The following RTN4 variants were observed in gnomAD, a reference collection of about 807,000 sequenced individuals.
RTN4 encodes the protein reticulon-4.
A neutral mutation model predicts 90.4 loss-of-function variants in RTN4; 32 were observed. The ratio of observed to expected loss-of-function variants is 0.35; its 90% CI spans 0.27 to 0.48. The LOEUF (loss-of-function observed/expected upper bound fraction) is 0.48. RTN4 is among the 20% of genes least tolerant of loss of function. The probability of loss-of-function intolerance (pLI) is 0.99; values close to 1 mark genes in which losing one functional copy is unlikely to be tolerated. For missense variants in RTN4, 1,706 were observed against 1,430.2 expected (o/e 1.19, Z -3.11); for synonymous variants, 629 against 552.5 (o/e 1.14, Z -1.94).
chr2:54,986,199 GT>G (rs1553433600), intron 4 of RTN4, among the ~76,000 whole-genome samples: 2 of 151,758 alleles, frequency 1.3e-5, no homozygotes, highest in Non-Finnish European at 2.9e-5. Flanking sequence ...ATTTTCTTTT[GT>G]TTTTTTTCTC....
chr2:54,977,486 A>G (rs1677734670), intron 5 of RTN4, among the ~76,000 whole-genome samples: 1 of 152,068 alleles, frequency 6.6e-6, no homozygotes, highest in Non-Finnish European at 1.5e-5. Context: ...ATTACAGAAA[A>G]GTAAGAACCT....
At chr2:55,019,284 T>A (rs1288287049) in intron 3 of RTN4, among the ~76,000 whole-genome samples, 2 of 152,174 alleles carry the variant, frequency 1.3e-5, no homozygotes, top group Non-Finnish European at 2.9e-5. Flanking sequence ...AAATCATTTT[T>A]CAACTCTCAT....
chr2:54,985,778 T>C (rs536693999), intron 4 of RTN4, among the ~76,000 whole-genome samples: 2 of 152,324 alleles, frequency 1.3e-5, no homozygotes, highest in East Asian at 3.9e-4. Context: ...TACCCATTAA[T>C]ATCAACTGGA....
intron 6 of RTN4, 151 bp downstream of exon 6, chr2:54,974,544 G>C: frequency 3.1e-6 from 2 of 646,364 alleles, no homozygotes; most frequent in Non-Finnish European, 2.7e-6. Context: ...GCCTCCCAAA[G>C]TGCTGGGATT....
intron 2 of RTN4, among the ~76,000 whole-genome samples, chr2:55,065,114 G>A (rs533996511): frequency 6.6e-6 from 1 of 152,172 alleles, no homozygotes; most frequent in South Asian, 2.1e-4. Flanking sequence ...AAAGCCATCG[G>A]TTCTACTCTC....
intron 3 of RTN4, among the ~76,000 whole-genome samples, chr2:54,988,325 T>C (rs1323026612): frequency 6.6e-6 from 1 of 152,052 alleles, no homozygotes; most frequent in Non-Finnish European, 1.5e-5. Flanking sequence ...TCCAAAAAAA[T>C]CATCTTGGGG....
intron 1 of RTN4, among the ~76,000 whole-genome samples, chr2:55,084,062 A>G (rs1668790254): frequency 1.3e-5 from 2 of 152,178 alleles, no homozygotes; most frequent in African/African-American, 4.8e-5. Context: ...TGGAACTTTC[A>G]GCCCTACTCT....
At chr2:55,119,133 A>G in the RTN4 span, among the ~76,000 whole-genome samples, 2 of 152,184 alleles carry the variant, frequency 1.3e-5, no homozygotes, top group African/African-American at 4.8e-5. Flanking sequence ...CTGCCCAATT[A>G]TTACACCTGC....
At chr2:55,125,123 G>C in the RTN4 span, among the ~76,000 whole-genome samples, 2 of 152,158 alleles carry the variant, frequency 1.3e-5, no homozygotes, top group Admixed American at 1.3e-4. Context: ...ATGAATTAAA[G>C]TCTTAAAAGT....
chr2:54,992,293 TCATATTCTC>T (rs1212707453), intron 3 of RTN4, among the ~76,000 whole-genome samples: 1 of 152,200 alleles, frequency 6.6e-6, no homozygotes, highest in African/African-American at 2.4e-5. Flanking sequence ...GGATAAAAAC[TCATATTCTC>T]CATTGTATGA....
chr2:55,001,948 G>A (rs1457857858), intron 3 of RTN4, among the ~76,000 whole-genome samples: 1 of 151,882 alleles, frequency 6.6e-6, no homozygotes. Context: ...CCTTATGCAC[G>A]GCTGTGATTA....
intron 2 of RTN4, among the ~76,000 whole-genome samples, chr2:55,059,933 C>T (rs1367838101): frequency 6.6e-6 from 1 of 152,084 alleles, no homozygotes; most frequent in African/African-American, 2.4e-5. Context: ...CTGCCTTGGC[C>T]TCCCAAAGTG....
chr2:55,008,142 A>AGCACACAC (rs1553438394), intron 3 of RTN4, among the ~76,000 whole-genome samples: 1 of 145,030 alleles, frequency 6.9e-6, no homozygotes, highest in African/African-American at 2.6e-5. Context: ...TCGGCAAGCA[A>AGCACACAC]ACACACACAC....
At chr2:55,038,704 T>C (rs1384783963) in intron 1 of RTN4, among the ~76,000 whole-genome samples, 1 of 152,236 alleles carries the variant, frequency 6.6e-6, no homozygotes, top group African/African-American at 2.4e-5. Context: ...AAGCAACTTC[T>C]TATAAAGTTA....
Position 54,973,135 on chromosome 2 carries a change from T to TA in RTN4, c.*20dup. On this transcript the variant is annotated 3_prime_UTR_variant, in exon 9 of 9. Coordinates refer to ENST00000337526, the MANE Select transcript of RTN4 (RefSeq NM_020532.5). ...AATATCCCCTTTAAAGATGAACTCC[T>TA]ACTAATTATTTTGGGCGTTTTCATT... 6.3e-7 allele frequency: 1 copy of TA among 1,596,366 alleles called. No individual in the cohort carries two copies. Among genetic ancestry groups the TA allele is most frequent in the South Asian group, 1.1e-5 (1 of 89,934 alleles).
At chr2:54,992,312 A>T (rs1431814929) in intron 3 of RTN4, among the ~76,000 whole-genome samples, 15 of 152,230 alleles carry the variant, frequency 9.9e-5, no homozygotes, top group Non-Finnish European at 1.6e-4. Context: ...CCATTGTATG[A>T]TGCCAAATTG....
At chr2:54,973,409 CA>C (rs1229457477) in intron 8 of RTN4, 153 bp downstream of exon 8, 1 of 778,710 alleles carries the variant, frequency 1.3e-6, no homozygotes, top group African/African-American at 1.8e-5. Flanking sequence ...ACGAATGGTC[CA>C]AATGTTAGAA....
chr2:55,001,683 T>G (rs927342924), intron 3 of RTN4, among the ~76,000 whole-genome samples: 4 of 152,148 alleles, frequency 2.6e-5, no homozygotes, highest in Non-Finnish European at 5.9e-5. Context: ...TGCTGGAGAA[T>G]TGCTCCAAAA....
intron 1 of RTN4, among the ~76,000 whole-genome samples, chr2:55,106,027 T>C (rs1667937555): frequency 1.3e-5 from 2 of 152,168 alleles, no homozygotes; most frequent in African/African-American, 4.8e-5. Context: ...CTTATTTCTT[T>C]TCTCTTATGC....
Sources: gnomAD v4.1 joint callset for allele counts (sites outside exome capture counted in the v4.1 genomes callset) on GRCh38, gnomAD v4.1.1 for gene constraint, MANE v1.5 for transcripts, NCBI Gene and HGNC (gene_info 2026-07-23, HGNC 2026-07-21) for gene names.